CYTH3: variants seen among roughly 807,000 people sequenced by gnomAD.
CYTH3 encodes the protein cytohesin 3.
Under a neutral mutation model 55.1 loss-of-function variants are expected in CYTH3, and 23 were observed. The observed-to-expected ratio is 0.42, with a 90% confidence interval of 0.30 to 0.59. The LOEUF is 0.59. Among genes scored for constraint, CYTH3 ranks in the 20% least tolerant of loss-of-function variants. CYTH3 has a pLI of 0.20. For missense variants in CYTH3, 413 were observed against 524.8 expected, an observed-to-expected ratio of 0.79 and a Z score of 2.08; for synonymous variants, 249 against 194.9, an observed-to-expected ratio of 1.28 and a Z score of -2.31.
chr7:6,261,689 CAAAAAA>C (rs71549614), intron 1 of CYTH3, among the ~76,000 whole-genome samples: 3 of 47,490 alleles, frequency 6.3e-5, no homozygotes, highest in Admixed American at 2.6e-4. Flanking sequence ...GACCCTGTCT[CAAAAAA>C]AAAAAAAAAA....
chr7:6,163,010 G>C lies in CYTH3; in HGVS notation c.*1934C>G, dbSNP rs1275452223. The stretch of plus-strand genomic sequence containing the variant: ...TCATGGAAGACTGGAGGCCAGAGTT[G>C]CATATCTACCAGTCAGGCATTTCAA... On this transcript the variant is annotated 3_prime_UTR_variant, in exon 13 of 13. Transcript: ENST00000350796. 1 of 152,712 alleles carries C rather than the reference G, an allele frequency of 6.5e-6. No homozygotes were observed. The highest frequency in any genetic ancestry group is 1.9e-4 in the East Asian group (1 of 5,206). The allele number at this position is 152,712 out of a possible 1,614,324, so 9.5% of individuals were successfully genotyped here. A position where few individuals can be genotyped will look rare whatever the true frequency, so the allele number is the denominator to read the frequency against.
chr7:6,199,021 C>A (rs1298049841), intron 1 of CYTH3, among the ~76,000 whole-genome samples: 2 of 152,188 alleles, frequency 1.3e-5, no homozygotes, highest in Non-Finnish European at 2.9e-5. Flanking sequence ...AACATTCTTA[C>A]TCTAATTCTT....
At chr7:6,214,385 A>T (rs1440795152) in intron 1 of CYTH3, among the ~76,000 whole-genome samples, 1 of 152,250 alleles carries the variant, frequency 6.6e-6, no homozygotes. Flanking sequence ...CAGATTTCTA[A>T]ATGATTTTAA....
At chr7:6,176,770 T>C (rs916708576) in intron 5 of CYTH3, among the ~76,000 whole-genome samples, 15 of 152,248 alleles carry the variant, frequency 9.9e-5, no homozygotes, top group African/African-American at 3.6e-4. Flanking sequence ...ACAGCAGTAC[T>C]AAGAGCAGAC....
At chr7:6,172,473 G>A (rs1391327134) in intron 6 of CYTH3, among the ~76,000 whole-genome samples, 8 of 151,994 alleles carry the variant, frequency 5.3e-5, no homozygotes, top group African/African-American at 1.5e-4. Flanking sequence ...GAGTCAGCCC[G>A]CATGCCTCTG....
At chr7:6,183,717 G>A (rs1300039145) in intron 4 of CYTH3, among the ~76,000 whole-genome samples, 1 of 152,190 alleles carries the variant, frequency 6.6e-6, no homozygotes, top group Non-Finnish European at 1.5e-5. Flanking sequence ...CTTTGCAGCT[G>A]TGAACGAAAT....
intron 1 of CYTH3, among the ~76,000 whole-genome samples, chr7:6,196,641 A>C (rs991582611): frequency 6.6e-6 from 1 of 151,894 alleles, no homozygotes; most frequent in African/African-American, 2.4e-5. Context: ...CTATGTTTTT[A>C]GTAGAGACGG....
intron 5 of CYTH3, among the ~76,000 whole-genome samples, chr7:6,176,787 G>C (rs1783361656): frequency 6.6e-6 from 1 of 152,194 alleles, no homozygotes; most frequent in Non-Finnish European, 1.5e-5. Flanking sequence ...AGACCTCCTT[G>C]TCTCGTTCCT....
intron 2 of CYTH3, among the ~76,000 whole-genome samples, chr7:6,189,511 G>A (rs1192683171): frequency 6.6e-6 from 1 of 151,856 alleles, no homozygotes; most frequent in African/African-American, 2.4e-5. Flanking sequence ...GTTTGACCAT[G>A]TTGCCCAGGC....
chr7:6,167,907 C>T lies in CYTH3; in HGVS notation c.824-2097G>A, dbSNP rs1783058929. 6.6e-6 allele frequency among the ~76,000 whole-genome samples: 1 copy of T among 152,256 alleles called. No individual in the cohort carries two copies. Among genetic ancestry groups the T allele is most frequent in the Non-Finnish European group, 1.5e-5 (1 of 68,044 alleles). ...CCTTGGGTCCCCCGCTCACACCTCC[C>T]ATGCAGAGCCCCATCCCTGTCCAGT... On this transcript the variant is annotated intron_variant, in intron 9 of 12. Transcript: ENST00000350796. The surrounding 1 kb of genome is among the most constrained non-coding windows in gnomAD (Gnocchi z 5.5).
chr7:6,206,298 A>T (rs1326077634), intron 1 of CYTH3, among the ~76,000 whole-genome samples: 2 of 152,274 alleles, frequency 1.3e-5, no homozygotes, highest in Non-Finnish European at 2.9e-5. Flanking sequence ...GGCACATGCT[A>T]CAACACAGAT....
Position 6,170,922 on chromosome 7 carries a change from G to A in CYTH3, c.619C>T (p.His207Tyr). The change falls in exon 8 of 13, where the codon CAC (histidine) becomes TAC (tyrosine). Residue 207 changes from histidine to tyrosine, a missense_variant. His to Tyr is a moderately conservative substitution (Grantham distance 83). Around this residue, in one of 4 missense-constraint regions of CYTH3, gnomAD observed 156 missense variants for 233.1 expected, o/e 0.67. Coordinates refer to ENST00000350796, the MANE Select transcript of CYTH3 (RefSeq NM_004227.4). The surrounding 1 kb of genome is among the most constrained non-coding windows in gnomAD (Gnocchi z 7.8). ...GCCGTGGGCTTGTCACGCACGTTGTGGTTGTGGAGGCTGGTGTTGAGCATG... is the reference window on the plus strand; with the variant it reads ...GCCGTGGGCTTGTCACGCACGTTGTAGTTGTGGAGGCTGGTGTTGAGCATG... ...IIMLNTSLHNHNVRDKPTAER... is the reference protein window; with the variant it reads ...IIMLNTSLHNYNVRDKPTAER... 1 of 1,614,054 alleles carries A rather than the reference G, an allele frequency of 6.2e-7. No homozygotes were observed. Among genetic ancestry groups the A allele is most frequent in the Non-Finnish European group, 8.5e-7 (1 of 1,179,944 alleles).
At chr7:6,165,962 C>T in intron 9 of CYTH3, 152 bp from the exon 10 acceptor site, 1 of 717,206 alleles carries the variant, frequency 1.4e-6, no homozygotes, top group South Asian at 1.8e-5. Context: ...GTTCCCACCG[C>T]AGGGCCCCAC....
chr7:6,255,867 G>A (rs551731931), intron 1 of CYTH3, among the ~76,000 whole-genome samples: 45 of 148,158 alleles, frequency 3.0e-4, no homozygotes, highest in Non-Finnish European at 5.8e-4. Context: ...AGGTTAACGC[G>A]ATTCTCCTGC....
intron 1 of CYTH3, among the ~76,000 whole-genome samples, chr7:6,256,326 C>G (rs188955281): frequency 2.6e-5 from 4 of 152,370 alleles, no homozygotes; most frequent in African/African-American, 9.6e-5. Context: ...ATTTGTGGAA[C>G]TCCCAGGCAG....
At chr7:6,240,680 T>A (rs1779650744) in intron 1 of CYTH3, among the ~76,000 whole-genome samples, 1 of 152,090 alleles carries the variant, frequency 6.6e-6, no homozygotes, top group Non-Finnish European at 1.5e-5. Flanking sequence ...CACATCAGAA[T>A]AAACTCCAAA....
At chr7:6,174,897 T>C (rs1783305104) in intron 5 of CYTH3, among the ~76,000 whole-genome samples, 1 of 152,212 alleles carries the variant, frequency 6.6e-6, no homozygotes, top group Non-Finnish European at 1.5e-5. Flanking sequence ...TGAGCATTTT[T>C]TCCTGTGCTT....
intron 1 of CYTH3, among the ~76,000 whole-genome samples, chr7:6,263,960 A>G (rs1262691670): frequency 1.3e-5 from 2 of 152,058 alleles, no homozygotes; most frequent in Admixed American, 1.3e-4. Flanking sequence ...TTTAAAACCA[A>G]TTAGGGCCGG....
intron 1 of CYTH3, among the ~76,000 whole-genome samples, chr7:6,263,802 G>GA (rs199590342): frequency 0.037 from 4,566 of 122,182 alleles, 191 homozygotes; most frequent in African/African-American, 0.12. Context: ...CTAACTTCAG[G>GA]AAAAAAAAAA....
Sources: allele counts gnomAD v4.1 joint callset (sites outside exome capture counted in the v4.1 genomes callset), GRCh38; gene constraint gnomAD v4.1.1; regional missense constraint gnomAD v4.1.1; non-coding constraint Gnocchi (gnomAD v3.1); transcripts MANE v1.5; gene names NCBI Gene and HGNC (gene_info 2026-07-23, HGNC 2026-07-21).